LSM6: variants seen among roughly 807,000 people sequenced by gnomAD.
LSM6 encodes the protein LSM6 homolog, U6 small nuclear RNA and mRNA degradation associated.
LSM6 carries 2 observed loss-of-function variants against 13.5 expected under a neutral mutation model. That is an observed-to-expected ratio of 0.15 (90% CI 0.06 to 0.47). The LOEUF (loss-of-function observed/expected upper bound fraction) is 0.47. LSM6 is among the 20% of genes least tolerant of loss of function. The probability of loss-of-function intolerance (pLI) is 0.97; values close to 1 mark genes in which losing one functional copy is unlikely to be tolerated. For missense variants in LSM6, 58 were observed against 96.4 expected (o/e 0.60, Z 1.67); for synonymous variants, 43 against 34.9 (o/e 1.23, Z -0.82).
rs7745 is a variant in LSM6 at position 146,189,739 on chromosome 4, A to G, written c.*83A>G. 240,648 of 930,626 alleles carry G rather than the reference A, an allele frequency of 0.26. 35,098 individuals are homozygous for G. Among genetic ancestry groups the G allele is most frequent in the Non-Finnish European group, 0.3 (176,479 of 594,476 alleles). 57.6% of individuals were successfully genotyped at this position (930,626 alleles called of 1,614,324 possible). ...TAATTTTTGCTTCTTTTGTGATACAATTTGTCCTCTTTTTATAATAGTTGG... is the reference window on the plus strand; with the variant it reads ...TAATTTTTGCTTCTTTTGTGATACAGTTTGTCCTCTTTTTATAATAGTTGG... On this transcript the variant is annotated 3_prime_UTR_variant, in exon 4 of 4. Transcript: ENST00000296581.
intron 3 of LSM6, among the ~76,000 whole-genome samples, chr4:146,189,115 A>G (rs1730411459): frequency 6.6e-6 from 1 of 151,456 alleles, no homozygotes; most frequent in South Asian, 2.1e-4. Flanking sequence ...TCAGCGTTCT[A>G]AGTCGCTGGG....
At position 146,180,621 on chromosome 4, in the gene LSM6, A is replaced by G. The variant is rs181207954; in HGVS notation, c.-10-2291A>G. The stretch of plus-strand genomic sequence containing the variant: ...TTTAATCTGAAACTGTAAATACTCT[A>G]TGAGCAGATGAAATTAGTAATAATT... On this transcript the variant is annotated intron_variant, in intron 1 of 3. Transcript: ENST00000296581. Among the ~76,000 whole-genome samples the G allele has an allele frequency of 4.1e-3, 625 of 152,352 alleles. 7 individuals are homozygous for G. In the South Asian group the frequency reaches 0.043, roughly 10 times the overall value.
intron 2 of LSM6, 102 bp downstream of exon 2, chr4:146,183,117 TA>T (rs1294004334): frequency 2.7e-6 from 2 of 751,592 alleles, no homozygotes; most frequent in Non-Finnish European, 4.6e-6. Flanking sequence ...GCCAAAAAAG[TA>T]CTGGTCATCA....
At chr4:146,176,881 A>G (rs1730122867) in intron 1 of LSM6, among the ~76,000 whole-genome samples, 1 of 152,128 alleles carries the variant, frequency 6.6e-6, no homozygotes, top group South Asian at 2.1e-4. Flanking sequence ...CAGAAGTGAA[A>G]TTATCAGATT....
At chr4:146,183,186 A>T (rs553636756) in intron 2 of LSM6, 171 bp downstream of exon 2, 1 of 509,976 alleles carries the variant, frequency 2.0e-6, no homozygotes, top group Non-Finnish European at 3.6e-6. Context: ...TAGAAGGACA[A>T]CTCTGACAGT....
intron 3 of LSM6, among the ~76,000 whole-genome samples, chr4:146,188,991 T>C (rs1013463700): frequency 6.6e-6 from 1 of 150,802 alleles, no homozygotes; most frequent in Non-Finnish European, 1.5e-5. Flanking sequence ...GCATCTTTTT[T>C]TTTTTTTTTT....
intron 1 of LSM6, chr4:146,181,290 T>A (rs781165151): frequency 2.0e-5 from 3 of 152,258 alleles, no homozygotes; most frequent in Non-Finnish European, 4.4e-5. Context: ...TGACTTTTCT[T>A]GGCTAAATAA....
chr4:146,188,086 C>G (rs373622278), intron 3 of LSM6, among the ~76,000 whole-genome samples: 22 of 152,170 alleles, frequency 1.4e-4, no homozygotes, highest in African/African-American at 4.3e-4. Context: ...TGTCTTCAAC[C>G]CCCTAAATAG....
chr4:146,178,890 C>G (rs1043719777), intron 1 of LSM6, among the ~76,000 whole-genome samples: 1 of 152,218 alleles, frequency 6.6e-6, no homozygotes, highest in Non-Finnish European at 1.5e-5. Context: ...TGTGAAAGGG[C>G]TTGGGCTTTG....
chr4:146,186,969 A>G (rs1209427158), intron 2 of LSM6, among the ~76,000 whole-genome samples: 8 of 152,214 alleles, frequency 5.3e-5, no homozygotes, highest in African/African-American at 1.9e-4. Context: ...TTGCCGGAAT[A>G]GTCTTATTCT....
intron 2 of LSM6, chr4:146,183,471 C>G (rs1032473937): frequency 2.0e-5 from 3 of 146,440 alleles, no homozygotes; most frequent in African/African-American, 7.6e-5. Context: ...GACTCTGTCT[C>G]AAAAAAAAAA....
At chr4:146,187,638 C>G in intron 3 of LSM6, 1 of 352,964 alleles carries the variant, frequency 2.8e-6, no homozygotes, top group South Asian at 3.8e-5. Flanking sequence ...TTACCTGGAA[C>G]CCTGCTTTCT....
At chr4:146,178,868 G>A (rs1475766591) in intron 1 of LSM6, among the ~76,000 whole-genome samples, 1 of 152,164 alleles carries the variant, frequency 6.6e-6, no homozygotes, top group African/African-American at 2.4e-5. Context: ...TATTCAGAAG[G>A]GCAGCTGTAC....
At chr4:146,186,426 AT>A (rs148859395) in intron 2 of LSM6, among the ~76,000 whole-genome samples, 1 of 151,754 alleles carries the variant, frequency 6.6e-6, no homozygotes, top group Non-Finnish European at 1.5e-5. Flanking sequence ...TTTTACTTAA[AT>A]TTTTTTTTCT....
chr4:146,177,550 G>A (rs2110876799), intron 1 of LSM6, among the ~76,000 whole-genome samples: 1 of 152,314 alleles, frequency 6.6e-6, no homozygotes, highest in South Asian at 2.1e-4. Flanking sequence ...TGGTTAGAAT[G>A]TAGCTTTTGG....
chr4:146,182,618 A>C (rs556738501), intron 1 of LSM6, among the ~76,000 whole-genome samples: 2 of 152,250 alleles, frequency 1.3e-5, no homozygotes, highest in Non-Finnish European at 2.9e-5. Context: ...AGTAATGATA[A>C]GTGATTAAGA....
rs780624281 is a variant in LSM6, at chr4:146,189,680, T to A, written c.*24T>A. 6.3e-7 allele frequency: 1 copy of A among 1,576,846 alleles called. No individual in the cohort carries two copies. Among genetic ancestry groups the A allele is most frequent in the South Asian group, 1.2e-5 (1 of 85,484 alleles). Reference sequence around the variant, plus strand: ...GAAGACACCAAGAGAGCAACGCTTTTCATAGTTGGATATATTTTTTTATGA... The same window carrying A: ...GAAGACACCAAGAGAGCAACGCTTTACATAGTTGGATATATTTTTTTATGA... On this transcript the variant is annotated 3_prime_UTR_variant, in exon 4 of 4. Coordinates refer to ENST00000296581, the MANE Select transcript of LSM6 (RefSeq NM_007080.3).
chr4:146,184,501 A>G (rs978437820), intron 2 of LSM6, among the ~76,000 whole-genome samples: 3 of 152,138 alleles, frequency 2.0e-5, no homozygotes, highest in African/African-American at 7.2e-5. Flanking sequence ...CTCCAGTTTA[A>G]TTTTATTTTT....
At chr4:146,180,316 C>G (rs1730205033) in intron 1 of LSM6, among the ~76,000 whole-genome samples, 1 of 152,194 alleles carries the variant, frequency 6.6e-6, no homozygotes, top group Non-Finnish European at 1.5e-5. Context: ...CATTCCCCAA[C>G]CCTGTGCGCC....
Sources: gnomAD v4.1 joint callset for allele counts (sites outside exome capture counted in the v4.1 genomes callset) on GRCh38, gnomAD v4.1.1 for gene constraint, MANE v1.5 for transcripts, NCBI Gene and HGNC (gene_info 2026-07-23, HGNC 2026-07-21) for gene names.